The following MRAS variants were observed in gnomAD, a reference collection of about 807,000 sequenced individuals.
The protein encoded by MRAS is muscle RAS oncogene homolog.
Under a neutral mutation model 20.9 loss-of-function variants are expected in MRAS, and 4 were observed. The ratio of observed to expected loss-of-function variants is 0.19; its 90% CI spans 0.09 to 0.44. The LOEUF is 0.44. Among genes scored for constraint, MRAS ranks in the 20% least tolerant of loss-of-function variants. The pLI, the probability that MRAS is intolerant of heterozygous loss-of-function variation, is 0.99. For missense variants in MRAS, 154 were observed against 277.5 expected (o/e 0.56, Z 3.16); for synonymous variants, 98 against 102.9 (o/e 0.95, Z 0.29).
At chr3:138,383,069 A>G (rs1448262149) in intron 2 of MRAS, among the ~76,000 whole-genome samples, 1 of 152,184 alleles carries the variant, frequency 6.6e-6, no homozygotes, top group Non-Finnish European at 1.5e-5. Context: ...CATCAGTGGG[A>G]TCTGTATCCA....
intron 2 of MRAS, among the ~76,000 whole-genome samples, chr3:138,389,718 A>G (rs748399253): frequency 1.3e-4 from 20 of 151,836 alleles, no homozygotes; most frequent in Non-Finnish European, 2.2e-4. Context: ...CTGGACCTCA[A>G]TGTCCCCATC....
At chr3:138,369,573 C>T (rs2054632854) in intron 1 of MRAS, among the ~76,000 whole-genome samples, 1 of 152,168 alleles carries the variant, frequency 6.6e-6, no homozygotes, top group South Asian at 2.1e-4. Context: ...CTTTCCTCCT[C>T]AGCATTGTGG....
intron 1 of MRAS, among the ~76,000 whole-genome samples, chr3:138,362,908 A>G (rs1260244175): frequency 6.6e-6 from 1 of 150,566 alleles, no homozygotes. Flanking sequence ...ACACATACAC[A>G]CTCCACATTC....
intron 2 of MRAS, among the ~76,000 whole-genome samples, chr3:138,384,685 G>T (rs1475454314): frequency 6.6e-6 from 1 of 152,166 alleles, no homozygotes; most frequent in Non-Finnish European, 1.5e-5. Flanking sequence ...AGAAATCTGG[G>T]TGGTGACCTG....
chr3:138,374,670 A>G (rs766281846), intron 2 of MRAS, among the ~76,000 whole-genome samples: 4 of 151,814 alleles, frequency 2.6e-5, no homozygotes, highest in Non-Finnish European at 5.9e-5. Flanking sequence ...CTTAAGGGGT[A>G]AGTGTTTGGT....
intron 2 of MRAS, among the ~76,000 whole-genome samples, chr3:138,387,349 G>A (rs1576375694): frequency 6.6e-6 from 1 of 152,214 alleles, no homozygotes; most frequent in East Asian, 1.9e-4. Context: ...CCAGGCTTCT[G>A]TCCTCCATCT....
intron 1 of MRAS, among the ~76,000 whole-genome samples, chr3:138,370,487 C>T (rs2054652039): frequency 6.6e-6 from 1 of 152,172 alleles, no homozygotes; most frequent in South Asian, 2.1e-4. Flanking sequence ...ATTTCTGTCA[C>T]CCTGCAACTC....
chr3:138,394,663 G>T (rs1051432964), intron 2 of MRAS, among the ~76,000 whole-genome samples: 2 of 152,138 alleles, frequency 1.3e-5, no homozygotes, highest in Non-Finnish European at 2.9e-5. Flanking sequence ...TCTGAAGCCT[G>T]TGTCAAAAAC....
At chr3:138,349,305 C>G (rs572040870) in intron 1 of MRAS, 1 of 152,322 alleles carries the variant, frequency 6.6e-6, no homozygotes, top group African/African-American at 2.4e-5. Context: ...TTGAACTGAT[C>G]TGGCTGAGGC....
intron 1 of MRAS, among the ~76,000 whole-genome samples, chr3:138,358,512 G>T (rs1349487564): frequency 6.6e-6 from 1 of 152,210 alleles, no homozygotes; most frequent in Non-Finnish European, 1.5e-5. Context: ...GCAAAGCCAG[G>T]TGTTATTTTT....
intron 3 of MRAS, 61 bp downstream of exon 3, chr3:138,397,538 T>G (rs773768235): frequency 6.5e-5 from 76 of 1,176,140 alleles, no homozygotes; most frequent in Non-Finnish European, 6.7e-5. Context: ...CCTAGGGCGC[T>G]CTCTCTCTCT....
At chr3:138,360,047 G>A (rs1287623283) in intron 1 of MRAS, among the ~76,000 whole-genome samples, 1 of 152,200 alleles carries the variant, frequency 6.6e-6, no homozygotes, top group African/African-American at 2.4e-5. Flanking sequence ...CAGTCAGCTG[G>A]TGCGGGGTGT....
At chr3:138,381,549 G>T (rs956031186) in intron 2 of MRAS, among the ~76,000 whole-genome samples, 2 of 147,996 alleles carry the variant, frequency 1.4e-5, no homozygotes, top group Admixed American at 1.3e-4. Flanking sequence ...TCCCAGCCCC[G>T]CCCTCTGCCC....
chr3:138,357,220 C>T (rs916564701), intron 1 of MRAS, among the ~76,000 whole-genome samples: 12 of 150,112 alleles, frequency 8.0e-5, no homozygotes, highest in Non-Finnish European at 1.5e-4. Context: ...AAGGTGGGGC[C>T]GCCCTTGCCC....
At position 138,404,229 on chromosome 3, in the gene MRAS, G is replaced by A. The variant is rs1252923666; in HGVS notation, c.*1960G>A. 1 of 152,324 alleles carries A rather than the reference G, an allele frequency of 6.6e-6. No individual in the cohort carries two copies. Among genetic ancestry groups the A allele is most frequent in the Non-Finnish European group, 1.5e-5 (1 of 68,128 alleles). The allele number at this position is 152,324 out of a possible 1,614,324, so 9.4% of individuals were successfully genotyped here. On this transcript the variant is annotated 3_prime_UTR_variant, in exon 6 of 6. Coordinates refer to ENST00000423968, the MANE Select transcript of MRAS (RefSeq NM_001085049.3). ...GTTTGATGGCAGCTGCAAACTGGAGGTGAGGCGGAGGAAAGGCAGGTAGGA... is the reference window on the plus strand; with the variant it reads ...GTTTGATGGCAGCTGCAAACTGGAGATGAGGCGGAGGAAAGGCAGGTAGGA...
chr3:138,401,507 G>C (rs567098113), intron 5 of MRAS, among the ~76,000 whole-genome samples: 3 of 152,216 alleles, frequency 2.0e-5, no homozygotes, highest in Non-Finnish European at 2.9e-5. Context: ...TCATCCAGGC[G>C]TAGTGGCTCA....
chr3:138,383,353 CAG>C (rs957261891), intron 2 of MRAS, among the ~76,000 whole-genome samples: 1 of 152,158 alleles, frequency 6.6e-6, no homozygotes, highest in Non-Finnish European at 1.5e-5. Flanking sequence ...TTTTTAGACA[CAG>C]GGTCTCACCG....
chr3:138,355,984 A>T (rs1220749606), intron 1 of MRAS, among the ~76,000 whole-genome samples: 2 of 152,156 alleles, frequency 1.3e-5, no homozygotes, highest in African/African-American at 2.4e-5. Context: ...TCTGATGGAG[A>T]TGCTGCAAAA....
chr3:138,357,702 C>A (rs2054363964), intron 1 of MRAS, among the ~76,000 whole-genome samples: 1 of 152,222 alleles, frequency 6.6e-6, no homozygotes, highest in Non-Finnish European at 1.5e-5. Flanking sequence ...TCCACTTTGC[C>A]CCATGTGCAT....
Sources: gnomAD v4.1 joint callset for allele counts (sites outside exome capture counted in the v4.1 genomes callset) on GRCh38, gnomAD v4.1.1 for gene constraint, MANE v1.5 for transcripts, NCBI Gene and HGNC (gene_info 2026-07-23, HGNC 2026-07-21) for gene names.